Variants in NYAP2 observed in about 807,000 individuals in gnomAD.
NYAP2 encodes the protein neuronal tyrosine-phosphorylated phosphoinositide-3-kinase adapter 2.
NYAP2 carries 23 observed loss-of-function variants against 50.4 expected under a neutral mutation model. That is an observed-to-expected ratio of 0.46 (90% confidence interval 0.33 to 0.65). The LOEUF (loss-of-function observed/expected upper bound fraction) is 0.65, where lower values mean the gene tolerates loss of function less well. Ranked by LOEUF, NYAP2 falls within the 30% of genes least tolerant of loss-of-function variation. The probability of loss-of-function intolerance (pLI) is 0.02; values close to 1 mark genes in which losing one functional copy is unlikely to be tolerated. For missense variants in NYAP2, 885 were observed against 861.0 expected, an observed-to-expected ratio of 1.03 and a Z score of -0.35; for synonymous variants, 394 against 365.2, an observed-to-expected ratio of 1.08 and a Z score of -0.90.
chr2:225,529,345 TAG>T (rs1456883593), intron 4 of NYAP2, among the ~76,000 whole-genome samples: 3 of 152,116 alleles, frequency 2.0e-5, no homozygotes, highest in Non-Finnish European at 2.9e-5. Context: ...GTTTTTGAGA[TAG>T]AGTCTCTCTC....
intron 5 of NYAP2, among the ~76,000 whole-genome samples, chr2:225,611,960 T>TA (rs1400673488): frequency 6.1e-4 from 92 of 150,472 alleles, no homozygotes; most frequent in Middle Eastern, 3.4e-3. Flanking sequence ...TTGTCTTTTA[T>TA]AAAAAATCAA....
chr2:225,638,001 T>C (rs1330224516), intron 6 of NYAP2, among the ~76,000 whole-genome samples: 1 of 152,174 alleles, frequency 6.6e-6, no homozygotes, highest in East Asian at 1.9e-4. Flanking sequence ...ATTGTTGTCC[T>C]TAACTGAACT....
chr2:225,418,686 G>T (rs1695164933), intron 3 of NYAP2, among the ~76,000 whole-genome samples: 1 of 152,118 alleles, frequency 6.6e-6, no homozygotes, highest in African/African-American at 2.4e-5. Context: ...TCAATGATTT[G>T]TTGATATTTG....
At chr2:225,499,319 C>T (rs1690560556) in intron 3 of NYAP2, among the ~76,000 whole-genome samples, 1 of 143,072 alleles carries the variant, frequency 7.0e-6, no homozygotes, top group African/African-American at 2.6e-5. Context: ...GAAAAGGTTA[C>T]TTTTTTTTTT....
At chr2:225,522,429 A>G (rs57993819) in intron 4 of NYAP2, among the ~76,000 whole-genome samples, 3,364 of 152,242 alleles carry the variant, frequency 0.022, 112 homozygotes, top group African/African-American at 0.075. Context: ...AAATTGGGAT[A>G]CCTGCTACAA....
intron 4 of NYAP2, among the ~76,000 whole-genome samples, chr2:225,555,426 C>T (rs572011014): frequency 3.9e-5 from 6 of 152,030 alleles, no homozygotes; most frequent in East Asian, 3.9e-4. Flanking sequence ...CCATCACAAC[C>T]GAAGATTCTA....
intron 3 of NYAP2, among the ~76,000 whole-genome samples, chr2:225,433,352 T>A (rs116247470): frequency 0.023 from 1,762 of 75,042 alleles, 13 homozygotes; most frequent in Non-Finnish European, 0.041. Context: ...TGAGACCCTA[T>A]CTGTTTAAAA....
intron 4 of NYAP2, among the ~76,000 whole-genome samples, chr2:225,566,069 C>A (rs1379322282): frequency 6.6e-6 from 1 of 152,092 alleles, no homozygotes; most frequent in Non-Finnish European, 1.5e-5. Flanking sequence ...ATTTTAATGT[C>A]TGTAAAACAG....
intron 5 of NYAP2, among the ~76,000 whole-genome samples, chr2:225,620,378 C>G (rs1693069132): frequency 6.6e-6 from 1 of 151,860 alleles, no homozygotes; most frequent in Non-Finnish European, 1.5e-5. Flanking sequence ...CACACACAGG[C>G]ACCCACACGC....
chr2:225,409,046 G>A, exon 3 of NYAP2: 3 of 1,611,826 alleles, frequency 1.9e-6, no homozygotes, highest in Non-Finnish European at 2.5e-6. Context: ...AACTAACCTA[G>A]CCTATTTGAA....
intron 3 of NYAP2, among the ~76,000 whole-genome samples, chr2:225,417,666 A>G (rs1429129521): frequency 6.6e-6 from 1 of 152,156 alleles, no homozygotes; most frequent in African/African-American, 2.4e-5. Context: ...TAAGTATACC[A>G]CTCAGCATAT....
chr2:225,532,163 G>T (rs921325705), intron 4 of NYAP2, among the ~76,000 whole-genome samples: 1 of 152,078 alleles, frequency 6.6e-6, no homozygotes, highest in African/African-American at 2.4e-5. Context: ...ATTCTTAGAG[G>T]ACAGGTATAT....
chr2:225,661,156 G>A, the NYAP2 span, among the ~76,000 whole-genome samples: 4 of 152,108 alleles, frequency 2.6e-5, no homozygotes, highest in Non-Finnish European at 2.9e-5. Flanking sequence ...GAGTCTTTCC[G>A]GAAAATAGTA....
chr2:225,640,162 G>A (rs1393721529), intron 6 of NYAP2, among the ~76,000 whole-genome samples: 3 of 152,288 alleles, frequency 2.0e-5, no homozygotes, highest in Middle Eastern at 3.4e-3. Context: ...GGAGATCAAC[G>A]TGAACAGGCT....
chr2:225,617,945 T>G (rs1559231312), intron 5 of NYAP2, among the ~76,000 whole-genome samples: 1 of 152,184 alleles, frequency 6.6e-6, no homozygotes, highest in Non-Finnish European at 1.5e-5. Context: ...TATTAGATAC[T>G]GAGTACCAAT....
intron 4 of NYAP2, among the ~76,000 whole-genome samples, chr2:225,562,740 C>T (rs772572420): frequency 5.9e-5 from 9 of 152,126 alleles, no homozygotes; most frequent in Admixed American, 1.3e-4. Flanking sequence ...CCCCAAACCT[C>T]GCTCCTGTTA....
At chr2:225,636,032 C>G (rs1164067336) in intron 6 of NYAP2, among the ~76,000 whole-genome samples, 1 of 152,126 alleles carries the variant, frequency 6.6e-6, no homozygotes, top group East Asian at 1.9e-4. Flanking sequence ...TCAACGTATA[C>G]TTTGTGTTGT....
chr2:225,614,677 A>G (rs1397127291), intron 5 of NYAP2, among the ~76,000 whole-genome samples: 3 of 152,242 alleles, frequency 2.0e-5, no homozygotes, highest in South Asian at 2.1e-4. Flanking sequence ...TTCATTAGAA[A>G]CACAAGGATC....
chr2:225,532,250 T>C (rs1489429840), intron 4 of NYAP2, among the ~76,000 whole-genome samples: 1 of 152,212 alleles, frequency 6.6e-6, no homozygotes, highest in East Asian at 1.9e-4. Context: ...CCTTACAGTG[T>C]GTAAAAGCCA....
Sources: allele counts gnomAD v4.1 joint callset (sites outside exome capture counted in the v4.1 genomes callset), GRCh38; gene constraint gnomAD v4.1.1; transcripts MANE v1.5; gene names NCBI Gene and HGNC (gene_info 2026-07-23, HGNC 2026-07-21).